The following DAB1 variants were observed in gnomAD, a reference collection of about 807,000 sequenced individuals.
The protein encoded by DAB1 is disabled homolog 1.
A neutral mutation model predicts 64.6 loss-of-function variants in DAB1; 15 were observed. The ratio of observed to expected loss-of-function variants is 0.23; its 90% confidence interval spans 0.16 to 0.36. The LOEUF (loss-of-function observed/expected upper bound fraction) is 0.36. DAB1 is among the 10% of genes least tolerant of loss of function. DAB1 has a pLI of 1.00. For synonymous variants in DAB1, 235 were observed against 251.9 expected, an observed-to-expected ratio of 0.93 and a Z score of 0.64; for missense variants, 596 against 706.7, an observed-to-expected ratio of 0.84 and a Z score of 1.78.
chr1:57,282,219 A>C (rs1671975146), intron 2 of DAB1, among the ~76,000 whole-genome samples: 1 of 144,414 alleles, frequency 6.9e-6, no homozygotes, highest in Non-Finnish European at 1.5e-5. Flanking sequence ...AAAACAGGTG[A>C]CTGAGTTTTG....
chr1:58,388,821 T>G (rs1011423377), intron 3 of DAB1, among the ~76,000 whole-genome samples: 1 of 152,168 alleles, frequency 6.6e-6, no homozygotes, highest in Non-Finnish European at 1.5e-5. Flanking sequence ...TATAGCACAA[T>G]AGGAAGAGAC....
chr1:58,276,924 G>T (rs1171894686), intron 4 of DAB1, among the ~76,000 whole-genome samples: 1 of 151,602 alleles, frequency 6.6e-6, no homozygotes, highest in African/African-American at 2.4e-5. Flanking sequence ...AACCCTCTTT[G>T]TTAAGGGTCC....
At chr1:57,433,468 C>T (rs1310119055) in intron 7 of DAB1, among the ~76,000 whole-genome samples, 1 of 152,078 alleles carries the variant, frequency 6.6e-6, no homozygotes, top group East Asian at 1.9e-4. Flanking sequence ...ACTGAAACAA[C>T]TGCATAAACA....
intron 4 of DAB1, among the ~76,000 whole-genome samples, chr1:58,220,529 A>G (rs1659103501): frequency 6.6e-6 from 1 of 152,190 alleles, no homozygotes. Flanking sequence ...CCTTTAACAT[A>G]GTCATTTTTT....
At position 57,636,259 on chromosome 1, in the gene DAB1, C is replaced by A. The variant is rs978552461; in HGVS notation, n.625+13333G>T. 2.6e-5 allele frequency among the ~76,000 whole-genome samples: 4 copies of A among 152,074 alleles called. No homozygotes were observed. The East Asian group carries it at 5.8e-4, about 22-fold the overall frequency. The stretch of plus-strand genomic sequence containing the variant: ...CTACAATTCAGGAAGAGAGGTCTCA[C>A]CAGAAACCAAATTTGCTGACACTTT... On this transcript the variant is annotated intron_variant and non_coding_transcript_variant, in intron 7 of 20. Coordinates refer to the DAB1 transcript ENST00000485760.
intron 3 of DAB1, among the ~76,000 whole-genome samples, chr1:58,431,760 C>G (rs1187992560): frequency 6.6e-6 from 1 of 151,820 alleles, no homozygotes; most frequent in Non-Finnish European, 1.5e-5. Context: ...CTTTCTTCCT[C>G]CCTCCCTTCT....
intron 6 of DAB1, among the ~76,000 whole-genome samples, chr1:57,790,305 G>C (rs1650534421): frequency 6.6e-6 from 1 of 152,080 alleles, no homozygotes. Flanking sequence ...CTTTTACAAG[G>C]GGCTTTCCCC....
chr1:57,848,075 TC>T (rs1308701599), intron 1 of DAB1, among the ~76,000 whole-genome samples: 12 of 152,132 alleles, frequency 7.9e-5, no homozygotes, highest in Admixed American at 7.9e-4. Context: ...AAGGCAGGGA[TC>T]CCCAGAGCCT....
intron 7 of DAB1, among the ~76,000 whole-genome samples, chr1:57,585,772 T>A (rs1051877285): frequency 3.9e-5 from 6 of 152,184 alleles, no homozygotes; most frequent in African/African-American, 1.2e-4. Flanking sequence ...ACATATTACA[T>A]CTTGATATAA....
intron 7 of DAB1, among the ~76,000 whole-genome samples, chr1:57,612,913 G>A (rs1044573576): frequency 5.9e-5 from 9 of 152,008 alleles, no homozygotes; most frequent in Non-Finnish European, 7.4e-5. Flanking sequence ...AACCATGAAC[G>A]GTATGTGTAC....
intron 6 of DAB1, among the ~76,000 whole-genome samples, chr1:57,758,949 G>A (rs144337118): frequency 2.5e-4 from 38 of 152,150 alleles, no homozygotes; most frequent in African/African-American, 8.9e-4. Context: ...CATCCTCACC[G>A]GGTTCTTGTA....
intron 7 of DAB1, among the ~76,000 whole-genome samples, chr1:57,601,066 CA>C (rs1457063873): frequency 6.6e-6 from 1 of 151,846 alleles, no homozygotes; most frequent in Non-Finnish European, 1.5e-5. Flanking sequence ...CAGAGAGACT[CA>C]ATTTTTCAAT....
At chr1:57,935,949 G>A (rs1645018748) in intron 5 of DAB1, among the ~76,000 whole-genome samples, 1 of 152,304 alleles carries the variant, frequency 6.6e-6, no homozygotes, top group South Asian at 2.1e-4. Flanking sequence ...AGAAAAGGAT[G>A]GGCTCAATTG....
At chr1:58,430,556 C>A (rs1251278758) in intron 3 of DAB1, among the ~76,000 whole-genome samples, 3 of 152,172 alleles carry the variant, frequency 2.0e-5, no homozygotes, top group Non-Finnish European at 2.9e-5. Flanking sequence ...CTCTGGGAAA[C>A]CCTCTTCTCC....
chr1:57,172,506 T>C (rs1304830383), intron 2 of DAB1, among the ~76,000 whole-genome samples: 1 of 152,210 alleles, frequency 6.6e-6, no homozygotes, highest in Non-Finnish European at 1.5e-5. Context: ...GGGTAATTTA[T>C]AAGGAAAAGA....
chr1:57,968,090 A>G (rs1645712173), intron 5 of DAB1, among the ~76,000 whole-genome samples: 1 of 152,078 alleles, frequency 6.6e-6, no homozygotes, highest in Admixed American at 6.6e-5. Flanking sequence ...TATTGTCTGA[A>G]AGAGTGTGTG....
chr1:57,965,898 CTCTA>C (rs1159465580), intron 5 of DAB1, among the ~76,000 whole-genome samples: 3 of 152,004 alleles, frequency 2.0e-5, no homozygotes, highest in Non-Finnish European at 4.4e-5. Context: ...TGGCAAATTT[CTCTA>C]TCTTTCTGAG....
chr1:58,170,770 C>T (rs958863886), intron 4 of DAB1, among the ~76,000 whole-genome samples: 1 of 152,148 alleles, frequency 6.6e-6, no homozygotes, highest in African/African-American at 2.4e-5. Context: ...GGAAGGCACA[C>T]TGCCCCAGAG....
intron 4 of DAB1, among the ~76,000 whole-genome samples, chr1:58,173,395 C>T (rs1187169661): frequency 2.6e-5 from 4 of 152,182 alleles, no homozygotes; most frequent in African/African-American, 9.7e-5. Context: ...CATCTCTTCC[C>T]TGCTTAACAA....
Sources: gnomAD v4.1 joint callset for allele counts (sites outside exome capture counted in the v4.1 genomes callset) on GRCh38, gnomAD v4.1.1 for gene constraint, MANE v1.5 for transcripts, NCBI Gene and HGNC (gene_info 2026-07-23, HGNC 2026-07-21) for gene names.